The following RNLS variants were observed in gnomAD, a reference collection of about 807,000 sequenced individuals.
RNLS encodes the protein renalase.
RNLS carries 39 observed loss-of-function variants against 39.8 expected under a neutral mutation model. That is an observed-to-expected ratio of 0.98 (90% CI 0.76 to 1.28). The LOEUF (loss-of-function observed/expected upper bound fraction) is 1.28. Among genes scored for constraint, RNLS ranks in the 50% most tolerant of loss-of-function variants. The probability of loss-of-function intolerance (pLI) is 0.00; values close to 1 mark genes in which losing one functional copy is unlikely to be tolerated. For synonymous variants in RNLS, 147 were observed against 150.7 expected (o/e 0.98, Z 0.18); for missense variants, 410 against 413.3 (o/e 0.99, Z 0.07).
At chr10:88,415,471 A>G (rs1853957502) in intron 4 of RNLS, among the ~76,000 whole-genome samples, 1 of 152,210 alleles carries the variant, frequency 6.6e-6, no homozygotes, top group Non-Finnish European at 1.5e-5. Context: ...GCTTTTTTAA[A>G]TGACTTTTTT....
At chr10:88,282,478 TACACAC>T (rs60829171), downstream of RNLS, among the ~76,000 whole-genome samples, 8,696 of 142,916 alleles carry the variant, frequency 0.061, 288 homozygotes, top group Middle Eastern at 0.085. Context: ...AAAGTGAAAA[TACACAC>T]ACACACACAC....
intron 3 of RNLS, among the ~76,000 whole-genome samples, chr10:88,573,588 G>A (rs1020859037): frequency 2.0e-5 from 3 of 151,996 alleles, no homozygotes; most frequent in African/African-American, 7.3e-5. Context: ...TCTCTGTAAG[G>A]GAAATGCAAG....
chr10:88,230,350 T>A, the RNLS span, among the ~76,000 whole-genome samples: 1 of 152,236 alleles, frequency 6.6e-6, no homozygotes, highest in Non-Finnish European at 1.5e-5. Flanking sequence ...GATATCCAAC[T>A]GGTGGCCGAG....
chr10:88,544,769 G>A (rs1374044404), intron 4 of RNLS, among the ~76,000 whole-genome samples: 1 of 152,142 alleles, frequency 6.6e-6, no homozygotes, highest in African/African-American at 2.4e-5. Context: ...TTCCTTAAAT[G>A]TATTTAGATG....
the RNLS span, among the ~76,000 whole-genome samples, chr10:88,217,938 G>T: frequency 1.3e-5 from 2 of 152,148 alleles, no homozygotes; most frequent in Non-Finnish European, 2.9e-5. Flanking sequence ...TACTCAGCAG[G>T]CTGAGGTGAG....
At chr10:88,184,045 G>A in the RNLS span, among the ~76,000 whole-genome samples, 1 of 152,128 alleles carries the variant, frequency 6.6e-6, no homozygotes, top group African/African-American at 2.4e-5. Flanking sequence ...TAGTGTTCTG[G>A]TAGTGGTGTT....
At chr10:88,531,863 A>C (rs1197685376) in intron 4 of RNLS, among the ~76,000 whole-genome samples, 1 of 152,074 alleles carries the variant, frequency 6.6e-6, no homozygotes, top group Non-Finnish European at 1.5e-5. Flanking sequence ...AAAAGGAGAG[A>C]GTGAATGAGG....
chr10:88,484,861 TAGTC>T lies in RNLS; in HGVS notation c.526+88038_526+88041del, dbSNP rs1282124630. ...TTTAAAGTATGGCAAAACTTTAAAA[TAGTC>T]AGTTGAGGCATTTATCTCCATGTAT... On this transcript the variant is annotated intron_variant, in intron 4 of 6. Transcript: ENST00000331772. 2.6e-5 allele frequency among the ~76,000 whole-genome samples: 4 copies of T among 151,976 alleles called. No individual in the cohort carries two copies. In the South Asian group the frequency reaches 6.2e-4, roughly 24 times the overall value.
At chr10:88,420,319 A>T (rs1854328670) in intron 4 of RNLS, among the ~76,000 whole-genome samples, 5 of 152,216 alleles carry the variant, frequency 3.3e-5, no homozygotes, top group South Asian at 2.1e-4. Context: ...AAGCTGGCTG[A>T]TGCTAACTGA....
At chr10:88,205,270 T>G in the RNLS span, among the ~76,000 whole-genome samples, 1 of 152,076 alleles carries the variant, frequency 6.6e-6, no homozygotes, top group African/African-American at 2.4e-5. Flanking sequence ...CCTTTCTCTG[T>G]GGTGGGTGAT....
the RNLS span, among the ~76,000 whole-genome samples, chr10:88,236,669 T>C: frequency 6.6e-6 from 1 of 152,322 alleles, no homozygotes; most frequent in South Asian, 2.1e-4. Flanking sequence ...CGTTATTTCA[T>C]AGAGCTGTTA....
chr10:88,461,335 G>A (rs1842926159), intron 4 of RNLS, among the ~76,000 whole-genome samples: 1 of 152,102 alleles, frequency 6.6e-6, no homozygotes, highest in Admixed American at 6.6e-5. Context: ...ACCATTCAAA[G>A]TCAAGTTGAG....
At chr10:88,485,392 TG>T (rs1844430863) in intron 4 of RNLS, among the ~76,000 whole-genome samples, 3 of 151,842 alleles carry the variant, frequency 2.0e-5, no homozygotes, top group Non-Finnish European at 2.9e-5. Flanking sequence ...CTGGAACAAC[TG>T]GATATCCATA....
At chr10:88,540,183 C>T (rs1211988348) in intron 4 of RNLS, among the ~76,000 whole-genome samples, 1 of 152,108 alleles carries the variant, frequency 6.6e-6, no homozygotes, top group Non-Finnish European at 1.5e-5. Flanking sequence ...TGCAAAATTA[C>T]AAGATCACGT....
chr10:88,339,389 A>G (rs1847763677), intron 5 of RNLS, among the ~76,000 whole-genome samples: 1 of 152,178 alleles, frequency 6.6e-6, no homozygotes. Context: ...TGGGGAAAGA[A>G]GTAAGTGTTC....
chr10:88,451,201 G>A (rs182845857), intron 4 of RNLS, among the ~76,000 whole-genome samples: 1 of 152,290 alleles, frequency 6.6e-6, no homozygotes, highest in East Asian at 1.9e-4. Flanking sequence ...TGCCTAGCAG[G>A]AAGAAAGATA....
At chr10:88,274,427 T>C (rs1842738036) in exon 7 of RNLS, 1 of 152,820 alleles carries the variant, frequency 6.5e-6, no homozygotes, top group African/African-American at 2.4e-5. Flanking sequence ...AGATTCCTCA[T>C]ATAAGTAGAA....
Position 88,467,244 on chromosome 10 carries a change from T to C in RNLS, c.527-104519A>G, listed in dbSNP as rs376954712. ...CCTGAAGCTTTCAGAAAAGGAAAAG[T>C]TTTTTTCAAAAAAGTCCAGGCTCTA... On this transcript the variant is annotated intron_variant, in intron 4 of 6. Transcript: ENST00000331772. Among the ~76,000 whole-genome samples, 110 of 150,300 alleles carry C rather than the reference T, an allele frequency of 7.3e-4. 3 individuals are homozygous for C. In the South Asian group the frequency reaches 0.022, roughly 30 times the overall value.
the RNLS span, among the ~76,000 whole-genome samples, chr10:88,181,745 G>A: frequency 1.3e-5 from 2 of 152,102 alleles, no homozygotes; most frequent in African/African-American, 4.8e-5. Flanking sequence ...TAGGCAAATG[G>A]ATAAAGAAAG....
Sources: allele counts gnomAD v4.1 joint callset (sites outside exome capture counted in the v4.1 genomes callset), GRCh38; gene constraint gnomAD v4.1.1; transcripts MANE v1.5; gene names NCBI Gene and HGNC (gene_info 2026-07-23, HGNC 2026-07-21).